Variants in SCMH1 observed in about 807,000 individuals in gnomAD.
SCMH1 encodes Scm polycomb group protein homolog 1, also known as polycomb protein SCMH1.
SCMH1 carries 37 observed loss-of-function variants against 70.8 expected under a neutral mutation model. That is an observed-to-expected ratio of 0.52 (90% CI 0.40 to 0.69). The LOEUF is 0.69. Among genes scored for constraint, SCMH1 ranks in the 30% least tolerant of loss-of-function variants. SCMH1 has a pLI of 0.00. For synonymous variants in SCMH1, 292 were observed against 307.4 expected (o/e 0.95, Z 0.52); for missense variants, 607 against 827.3 (o/e 0.73, Z 3.27).
At chr1:41,077,968 A>C (rs1303270859) in intron 8 of SCMH1, among the ~76,000 whole-genome samples, 1 of 152,174 alleles carries the variant, frequency 6.6e-6, no homozygotes, top group Non-Finnish European at 1.5e-5. Flanking sequence ...GGAACAAACA[A>C]ACAGATTTTT....
intron 8 of SCMH1, among the ~76,000 whole-genome samples, chr1:41,086,899 A>C (rs200219080): frequency 2.7e-5 from 4 of 150,766 alleles, no homozygotes; most frequent in Non-Finnish European, 1.5e-5. Context: ...AAAAAAAAAA[A>C]AAAAACCCCA....
chr1:41,185,248 G>C (rs1649859146), intron 2 of SCMH1, among the ~76,000 whole-genome samples: 1 of 151,992 alleles, frequency 6.6e-6, no homozygotes, highest in South Asian at 2.1e-4. Context: ...AAACAACAAG[G>C]CACCCTCTCT....
Position 41,197,258 on chromosome 1 carries a change from C to T in SCMH1, c.-117-11008G>A, listed in dbSNP as rs182948522. On this transcript the variant is annotated intron_variant, in intron 1 of 14. Coordinates refer to ENST00000337495, the Ensembl canonical transcript of SCMH1. ...ACCTGTACACCAATGTTCATAGCAG[C>T]ATGATTCACAATAGCCAAAAGTGGA... Among the ~76,000 whole-genome samples, 251 of 152,252 alleles carry T rather than the reference C, an allele frequency of 1.6e-3. 2 individuals are homozygous for T. In the Middle Eastern group the frequency reaches 0.021, roughly 12 times the overall value.
At chr1:41,028,867 G>A in intron 13 of SCMH1, 141 bp from the exon 15 acceptor site, 2 of 897,740 alleles carry the variant, frequency 2.2e-6, no homozygotes, top group East Asian at 2.7e-5. Flanking sequence ...GGAGATAGCT[G>A]GGGGAGGGAA....
intron 2 of SCMH1, among the ~76,000 whole-genome samples, chr1:41,174,145 C>T (rs1302663966): frequency 1.3e-5 from 2 of 151,974 alleles, no homozygotes; most frequent in East Asian, 3.8e-4. Flanking sequence ...TACTAATTAC[C>T]AATTTGATCA....
intron 1 of SCMH1, among the ~76,000 whole-genome samples, chr1:41,238,807 T>C (rs77780965): frequency 1.3e-5 from 2 of 152,330 alleles, no homozygotes; most frequent in African/African-American, 4.8e-5. Flanking sequence ...CTCTTTTTTT[T>C]CTCAGCTTAC....
chr1:41,091,617 A>G (rs1342990220), intron 8 of SCMH1, among the ~76,000 whole-genome samples: 2 of 152,194 alleles, frequency 1.3e-5, no homozygotes, highest in African/African-American at 4.8e-5. Flanking sequence ...AGATGACATG[A>G]TTGTATATTT....
At chr1:41,200,418 T>G (rs758611679) in intron 1 of SCMH1, among the ~76,000 whole-genome samples, 3 of 151,780 alleles carry the variant, frequency 2.0e-5, no homozygotes, top group Non-Finnish European at 4.4e-5. Flanking sequence ...AGGCGGAGCT[T>G]GCAGTGAGCT....
In SCMH1 at chr1:41,186,251, C is replaced by A; in HGVS notation, c.-117-1G>T. 1 of 664,566 alleles carries A rather than the reference C, an allele frequency of 1.5e-6. No homozygotes were observed. The highest frequency in any genetic ancestry group is 2.1e-5 in the Admixed American group (1 of 46,884). The allele number at this position is 664,566 out of a possible 1,614,324, so 41.2% of individuals were successfully genotyped here. A position where few individuals can be genotyped will look rare whatever the true frequency, so the allele number is the denominator to read the frequency against. ...TTTCTTTGTATGCTAATTTCTCCAT[C>A]TGTAAAAAAGGTAGGTGGGGAGGAA... On this transcript the variant is annotated splice_acceptor_variant, in intron 1 of 14. Transcript: ENST00000337495. LOFTEE classifies it low-confidence loss of function (5UTR_SPLICE).
chr1:41,222,596 G>T lies in SCMH1; in HGVS notation c.-118+19463C>A, dbSNP rs149341257. Among the ~76,000 whole-genome samples the T allele has an allele frequency of 5.3e-3, 811 of 152,228 alleles. 3 individuals are homozygous for T. The highest frequency in any genetic ancestry group is 0.018 in the African/African-American group (748 of 41,512). On this transcript the variant is annotated intron_variant, in intron 1 of 14. Coordinates refer to ENST00000337495, the Ensembl canonical transcript of SCMH1. ...AGTGCTAAGGGGAAGATGGCATTATGCCAAGGAACTCTACAGAAGTACTGC... is the reference window on the plus strand; with the variant it reads ...AGTGCTAAGGGGAAGATGGCATTATTCCAAGGAACTCTACAGAAGTACTGC...
chr1:41,123,531 C>A (rs1254927329), intron 6 of SCMH1, among the ~76,000 whole-genome samples: 3 of 152,186 alleles, frequency 2.0e-5, no homozygotes, highest in African/African-American at 4.8e-5. Context: ...CAGATCCACT[C>A]CCAGAAATCC....
intron 1 of SCMH1, among the ~76,000 whole-genome samples, chr1:41,220,743 C>A (rs1021770085): frequency 6.6e-6 from 1 of 152,180 alleles, no homozygotes; most frequent in African/African-American, 2.4e-5. Flanking sequence ...AAGTTCATAT[C>A]TTTTTAATGG....
chr1:41,182,026 A>T (rs530116244), intron 2 of SCMH1, among the ~76,000 whole-genome samples: 1 of 152,358 alleles, frequency 6.6e-6, no homozygotes, highest in South Asian at 2.1e-4. Context: ...GTCATAAAAA[A>T]TGATGAGTTC....
chr1:41,231,501 T>C (rs1377713706), intron 1 of SCMH1, among the ~76,000 whole-genome samples: 1 of 152,212 alleles, frequency 6.6e-6, no homozygotes, highest in African/African-American at 2.4e-5. Flanking sequence ...TACATTAGTA[T>C]GGCATATTTG....
At chr1:41,037,793 T>G (rs1227406405) in intron 12 of SCMH1, among the ~76,000 whole-genome samples, 1 of 152,244 alleles carries the variant, frequency 6.6e-6, no homozygotes, top group Non-Finnish European at 1.5e-5. Context: ...TTTTCTGGTC[T>G]AGATGCCCTA....
chr1:41,061,555 A>G (rs1259747457), intron 10 of SCMH1, among the ~76,000 whole-genome samples: 1 of 152,218 alleles, frequency 6.6e-6, no homozygotes, highest in Non-Finnish European at 1.5e-5. Flanking sequence ...TGTATACCTA[A>G]CAACAGAGTG....
intron 8 of SCMH1, among the ~76,000 whole-genome samples, chr1:41,101,053 A>G (rs1666491661): frequency 6.6e-6 from 1 of 152,088 alleles, no homozygotes; most frequent in South Asian, 2.1e-4. Context: ...AGAGAGCTCA[A>G]GATGATGAGG....
At chr1:41,078,791 T>C (rs968310670) in intron 8 of SCMH1, among the ~76,000 whole-genome samples, 3 of 152,076 alleles carry the variant, frequency 2.0e-5, no homozygotes, top group Non-Finnish European at 2.9e-5. Context: ...GAAAAGGAAG[T>C]TCTTCAGGCT....
chr1:41,176,679 G>T (rs1431441999), intron 2 of SCMH1, among the ~76,000 whole-genome samples: 1 of 152,202 alleles, frequency 6.6e-6, no homozygotes, highest in Non-Finnish European at 1.5e-5. Flanking sequence ...AGATCAAACT[G>T]CAAGGTGGCA....
Sources: allele counts gnomAD v4.1 joint callset (sites outside exome capture counted in the v4.1 genomes callset), GRCh38; gene constraint gnomAD v4.1.1; transcripts MANE v1.5; gene names NCBI Gene and HGNC (gene_info 2026-07-23, HGNC 2026-07-21).